The following NAV2 variants were observed in gnomAD, a reference collection of about 807,000 sequenced individuals.
NAV2 encodes helicase, APC down-regulated 1.
Under a neutral mutation model 223.2 loss-of-function variants are expected in NAV2, and 54 were observed. That is an observed-to-expected ratio of 0.24 (90% CI 0.19 to 0.30). NAV2 has a LOEUF of 0.30. NAV2 is among the 10% of genes least tolerant of loss of function. The probability of loss-of-function intolerance (pLI) is 1.00; values close to 1 mark genes in which losing one functional copy is unlikely to be tolerated. For synonymous variants in NAV2, 1,279 were observed against 1,239.3 expected (o/e 1.03, Z -0.67); for missense variants, 2,806 against 3,147.5 (o/e 0.89, Z 2.60).
chr11:19,499,997 C>T (rs1433013473), intron 1 of NAV2, among the ~76,000 whole-genome samples: 1 of 152,026 alleles, frequency 6.6e-6, no homozygotes. Flanking sequence ...CACAACCACA[C>T]ACACACACAT....
chr11:19,442,222 A>C (rs1051956788), intron 1 of NAV2, among the ~76,000 whole-genome samples: 4 of 152,358 alleles, frequency 2.6e-5, no homozygotes, highest in South Asian at 2.1e-4. Context: ...CCATCATCCC[A>C]GAGGCCCTCT....
chr11:19,672,921 T>C (rs761196977), intron 1 of NAV2, among the ~76,000 whole-genome samples: 8 of 152,080 alleles, frequency 5.3e-5, no homozygotes, highest in Non-Finnish European at 1.0e-4. Context: ...AGAATATAGA[T>C]TTGTAAGTGT....
chr11:19,356,395 CCTA>C (rs1853618607), intron 1 of NAV2, among the ~76,000 whole-genome samples: 1 of 152,148 alleles, frequency 6.6e-6, no homozygotes, highest in African/African-American at 2.4e-5. Flanking sequence ...TTGTTGAGTA[CCTA>C]CTGTGTGCCA....
intron 1 of NAV2, among the ~76,000 whole-genome samples, chr11:19,685,855 G>A (rs148784393): frequency 4.5e-4 from 68 of 152,210 alleles, no homozygotes; most frequent in African/African-American, 1.5e-3. Context: ...AGCCTCCCAC[G>A]CTCTGCACCA....
At chr11:19,643,027 C>T (rs895564748) in intron 1 of NAV2, among the ~76,000 whole-genome samples, 4 of 152,140 alleles carry the variant, frequency 2.6e-5, no homozygotes, top group African/African-American at 4.8e-5. Flanking sequence ...TGTGTGCCAG[C>T]GTGTGTTCTG....
At chr11:19,896,082 A>G (rs1394732163) in intron 6 of NAV2, among the ~76,000 whole-genome samples, 1 of 152,122 alleles carries the variant, frequency 6.6e-6, no homozygotes, top group East Asian at 1.9e-4. Flanking sequence ...CCTTCACCGA[A>G]GCCTTCCTGT....
chr11:19,598,212 C>T (rs1204770244), intron 1 of NAV2, among the ~76,000 whole-genome samples: 1 of 152,214 alleles, frequency 6.6e-6, no homozygotes, highest in African/African-American at 2.4e-5. Context: ...AGCCACACTT[C>T]TGATCTGCAG....
chr11:19,944,416 C>G (rs1379811403), intron 8 of NAV2, among the ~76,000 whole-genome samples: 1 of 152,042 alleles, frequency 6.6e-6, no homozygotes, highest in Non-Finnish European at 1.5e-5. Context: ...CTTTCCTTTT[C>G]TTTTCTTCTC....
At chr11:19,622,949 A>G (rs528683346) in intron 1 of NAV2, among the ~76,000 whole-genome samples, 9 of 152,170 alleles carry the variant, frequency 5.9e-5, no homozygotes, top group African/African-American at 1.7e-4. Flanking sequence ...AGCTCTTGTA[A>G]GACAGGCCTG....
At chr11:19,676,767 T>C (rs1041204670) in intron 1 of NAV2, among the ~76,000 whole-genome samples, 3 of 152,240 alleles carry the variant, frequency 2.0e-5, no homozygotes, top group African/African-American at 4.8e-5. Context: ...GCCACGAGGA[T>C]GCTGTGGTTT....
chr11:20,045,742 T>A (rs1339308775), intron 14 of NAV2, 72 bp downstream of exon 14: 1 of 1,256,044 alleles, frequency 8.0e-7, no homozygotes, highest in East Asian at 2.4e-5. Context: ...TCCTGTTTCT[T>A]AGTTGAAGCA....
chr11:19,599,330 C>T (rs564201142), intron 1 of NAV2, among the ~76,000 whole-genome samples: 16 of 152,300 alleles, frequency 1.1e-4, no homozygotes, highest in Non-Finnish European at 1.9e-4. Flanking sequence ...CATCCTTTTT[C>T]ATGTTTTCCT....
At chr11:19,798,584 G>A (rs1468117926) in intron 1 of NAV2, among the ~76,000 whole-genome samples, 3 of 152,202 alleles carry the variant, frequency 2.0e-5, no homozygotes, top group African/African-American at 7.2e-5. Context: ...GTTTCTGACT[G>A]TGGATAAAGT....
intron 5 of NAV2, among the ~76,000 whole-genome samples, chr11:19,886,030 A>G (rs1355745858): frequency 1.3e-5 from 2 of 152,104 alleles, no homozygotes; most frequent in Non-Finnish European, 2.9e-5. Flanking sequence ...ACTTTAACCT[A>G]GACTCATGGC....
chr11:19,420,688 G>A (rs1285822789), intron 1 of NAV2, among the ~76,000 whole-genome samples: 5 of 152,166 alleles, frequency 3.3e-5, no homozygotes, highest in Non-Finnish European at 7.3e-5. Flanking sequence ...GTTCCAAATA[G>A]GCAAAACCAA....
intron 1 of NAV2, among the ~76,000 whole-genome samples, chr11:19,447,320 G>C (rs1364301461): frequency 6.6e-6 from 1 of 152,182 alleles, no homozygotes; most frequent in Non-Finnish European, 1.5e-5. Context: ...ATTGGCATTT[G>C]CACCTTGCTT....
chr11:19,796,966 T>G (rs2057944649), intron 1 of NAV2, among the ~76,000 whole-genome samples: 1 of 152,170 alleles, frequency 6.6e-6, no homozygotes, highest in Non-Finnish European at 1.5e-5. Flanking sequence ...ATTTCCATAT[T>G]GCTGAACCCA....
intron 1 of NAV2, among the ~76,000 whole-genome samples, chr11:19,369,449 A>G (rs1848398641): frequency 6.6e-6 from 1 of 152,202 alleles, no homozygotes; most frequent in Non-Finnish European, 1.5e-5. Flanking sequence ...AGTTCTCTCC[A>G]TAGTTATCAC....
intron 1 of NAV2, among the ~76,000 whole-genome samples, chr11:19,676,168 TC>T (rs1233071609): frequency 2.0e-5 from 3 of 152,098 alleles, no homozygotes; most frequent in Non-Finnish European, 1.5e-5. Context: ...TCCTCCTCGA[TC>T]CCCCTCCCTG....
Sources: allele counts gnomAD v4.1 joint callset (sites outside exome capture counted in the v4.1 genomes callset), GRCh38; gene constraint gnomAD v4.1.1; transcripts MANE v1.5; gene names NCBI Gene and HGNC (gene_info 2026-07-23, HGNC 2026-07-21).